The following CDK13 variants were observed in gnomAD, a reference collection of about 807,000 sequenced individuals.
CDK13 encodes the protein cyclin-dependent kinase 13.
In CDK13, 40 loss-of-function variants were observed where a neutral mutation model predicts 137.6. The observed-to-expected ratio is 0.29, with a 90% confidence interval of 0.23 to 0.38. The LOEUF is 0.38. CDK13 is among the 10% of genes least tolerant of loss of function. The pLI is 1.00. For missense variants in CDK13, 1,704 were observed against 1,951.8 expected, an observed-to-expected ratio of 0.87 and a Z score of 2.39; for synonymous variants, 869 against 760.1, an observed-to-expected ratio of 1.14 and a Z score of -2.36.
chr7:39,978,471 C>G (rs146048914), intron 1 of CDK13, among the ~76,000 whole-genome samples: 1 of 151,956 alleles, frequency 6.6e-6, no homozygotes, highest in African/African-American at 2.4e-5. Flanking sequence ...AGATTTTGGC[C>G]GTAACTGGAA....
intron 1 of CDK13, 100 bp downstream of exon 1, chr7:39,951,952 C>A: frequency 8.2e-7 from 1 of 1,216,690 alleles, no homozygotes; most frequent in South Asian, 3.6e-5. Context: ...GACTCAGGTC[C>A]ACCACCGAGA....
chr7:39,951,568 C>G lies in CDK13; in HGVS notation c.927C>G (p.Ala309=), dbSNP rs967047077. The G allele has an allele frequency of 6.6e-7, 1 of 1,521,004 alleles. No homozygotes were observed. Among genetic ancestry groups the G allele is most frequent in the Non-Finnish European group, 8.8e-7 (1 of 1,136,526 alleles). The allele number at this position is 1,521,004 out of a possible 1,614,324, so 94.2% of individuals were successfully genotyped here. A position where few individuals can be genotyped will look rare whatever the true frequency, so the allele number is the denominator to read the frequency against. The part of the protein sequence containing the change: ...AYREDKTEPK[A]YRRRRSLSPL... ...GGGAGGACAAGACCGAGCCTAAGGCCTACAGGCGGCGGCGGTCCCTCAGCC... is the reference window on the plus strand; with the variant it reads ...GGGAGGACAAGACCGAGCCTAAGGCGTACAGGCGGCGGCGGTCCCTCAGCC... Residue 309 remains alanine (A), a synonymous_variant, in exon 1 of 14, where the codon GCC becomes GCG. Coordinates refer to ENST00000181839, the MANE Select transcript of CDK13 (RefSeq NM_003718.5).
Position 39,950,958 on chromosome 7 carries a change from G to T in CDK13, c.317G>T (p.Arg106Leu). ...KRRAGGRQKR[R>L]RGPRAGQEAE... is the part of the protein sequence containing the mutation. Reference sequence around the variant, plus strand: ...CGCGCAGGAGGGCGGCAGAAGCGGCGTCGCGGGCCCCGCGCCGGGCAGGAG... The same window carrying T: ...CGCGCAGGAGGGCGGCAGAAGCGGCTTCGCGGGCCCCGCGCCGGGCAGGAG... Residue 106 changes from arginine to leucine, a missense_variant, in exon 1 of 14, where the codon CGT (arginine) becomes CTT (leucine). By Grantham distance (102) the Arg-to-Leu change is moderately radical. This residue lies in a region of CDK13 where 1,051 missense variants were observed against 931.0 expected (regional missense o/e 1.13). Transcript: ENST00000181839. 7.6e-7 allele frequency: 1 copy of T among 1,312,810 alleles called. No homozygotes were observed. The highest frequency in any genetic ancestry group is 9.7e-7 in the Non-Finnish European group (1 of 1,035,804). 81.3% of individuals were successfully genotyped at this position (1,312,810 alleles called of 1,614,324 possible).
intron 5 of CDK13, among the ~76,000 whole-genome samples, chr7:40,026,033 C>T (rs1352007519): frequency 6.6e-6 from 1 of 152,156 alleles, no homozygotes; most frequent in African/African-American, 2.4e-5. Context: ...CACCCCTGAC[C>T]CCTTTTGCTC....
chr7:40,014,499 T>C (rs2116376082), intron 5 of CDK13, among the ~76,000 whole-genome samples: 1 of 148,932 alleles, frequency 6.7e-6, no homozygotes, highest in East Asian at 2.0e-4. Flanking sequence ...TCACCCAGGC[T>C]GGAGTACAGT....
At chr7:40,079,842 A>G (rs2150537108) in intron 11 of CDK13, among the ~76,000 whole-genome samples, 1 of 152,340 alleles carries the variant, frequency 6.6e-6, no homozygotes. Context: ...GGGAGTCAAA[A>G]TAGCTGGCTT....
rs150303277 is a variant in CDK13 at position 39,987,734 on chromosome 7, G to T, written c.1347G>T (p.Leu449=). The change falls in exon 2 of 14, where the codon CTG becomes CTT. Residue 449 remains leucine, a synonymous_variant. Transcript: ENST00000181839. The stretch of plus-strand genomic sequence containing the variant: ...GCACACTAACTCTGAAGAGTAGCCT[G>T]GCAGCTGAATTGAACAAGAATAAAA... The part of the protein sequence containing the change: ...SPSTLTLKSS[L]AAELNKNKKA... 2.6e-4 allele frequency: 414 copies of T among 1,614,078 alleles called. 1 individual carries two copies. The highest frequency in any genetic ancestry group is 3.5e-4 in the Admixed American group (21 of 60,006).
At chr7:39,964,048 C>T (rs370500757) in intron 1 of CDK13, among the ~76,000 whole-genome samples, 4 of 152,120 alleles carry the variant, frequency 2.6e-5, no homozygotes, top group East Asian at 1.9e-4. Context: ...ATCTTTGTAT[C>T]GATGTTCATC....
At chr7:40,047,131 A>G (rs1162404902) in intron 6 of CDK13, among the ~76,000 whole-genome samples, 2 of 152,160 alleles carry the variant, frequency 1.3e-5, no homozygotes, top group East Asian at 3.8e-4. Context: ...CTGATAAGCA[A>G]TGTAACTTCA....
intron 11 of CDK13, among the ~76,000 whole-genome samples, chr7:40,079,936 G>A (rs1361546935): frequency 6.6e-6 from 1 of 152,084 alleles, no homozygotes; most frequent in Non-Finnish European, 1.5e-5. Flanking sequence ...ACGTTCATTT[G>A]CATTCCTTGA....
intron 9 of CDK13, chr7:40,066,936 G>T (rs1786292761): frequency 6.7e-6 from 1 of 149,100 alleles, no homozygotes; most frequent in Middle Eastern, 3.4e-3. Context: ...TTTTTTAAAC[G>T]ATTCCTTCTA....
chr7:39,955,055 T>G (rs1353476305), intron 1 of CDK13, among the ~76,000 whole-genome samples: 4 of 152,220 alleles, frequency 2.6e-5, no homozygotes, highest in African/African-American at 9.6e-5. Context: ...CCCTCTTAGC[T>G]TTACTTTTTC....
At chr7:39,972,052 A>G (rs954407686) in intron 1 of CDK13, among the ~76,000 whole-genome samples, 4 of 152,102 alleles carry the variant, frequency 2.6e-5, no homozygotes, top group African/African-American at 7.2e-5. Flanking sequence ...GCTCCCTTCT[A>G]CTCTTCTCAC....
At chr7:39,988,884 C>T (rs1784397640) in intron 2 of CDK13, among the ~76,000 whole-genome samples, 1 of 151,752 alleles carries the variant, frequency 6.6e-6, no homozygotes, top group Admixed American at 6.6e-5. Context: ...GAGTTCAAGA[C>T]CAGCCTGGCC....
chr7:40,047,954 A>G, intron 7 of CDK13, 77 bp downstream of exon 7: 1 of 898,498 alleles, frequency 1.1e-6, no homozygotes, highest in Middle Eastern at 2.3e-4. Context: ...CCTTATTGAT[A>G]GTTTTATTTT....
rs571219988 is a variant in CDK13 at position 39,982,452 on chromosome 7, T to C, written c.1212-5147T>C. Among the ~76,000 whole-genome samples, 444 of 152,218 alleles carry C rather than the reference T, an allele frequency of 2.9e-3. 5 individuals carry two copies. Among genetic ancestry groups the C allele is most frequent in the African/African-American group, 0.01 (426 of 41,518 alleles). On this transcript the variant is annotated intron_variant, in intron 1 of 13. Transcript: ENST00000181839. ...TGGGTTGGTTCCAAGTCTTTGCTAT[T>C]GTGAATAGTGCCGCAGTAAACATAC...
intron 1 of CDK13, among the ~76,000 whole-genome samples, chr7:39,957,817 A>C (rs553305690): frequency 1.3e-5 from 2 of 152,326 alleles, no homozygotes; most frequent in South Asian, 4.1e-4. Context: ...ACTCTGAAAA[A>C]TTGTAGCTAT....
chr7:40,028,538 G>T (rs1445769636), intron 5 of CDK13, among the ~76,000 whole-genome samples: 1 of 151,846 alleles, frequency 6.6e-6, no homozygotes, highest in Non-Finnish European at 1.5e-5. Flanking sequence ...TTTTACCAGG[G>T]TTTTTACAGA....
chr7:40,022,786 C>G (rs971672600), intron 5 of CDK13, among the ~76,000 whole-genome samples: 19 of 150,810 alleles, frequency 1.3e-4, no homozygotes, highest in Non-Finnish European at 1.5e-5. Context: ...CCTGTTAAAA[C>G]TAGAATTGTT....
Sources: allele counts gnomAD v4.1 joint callset (sites outside exome capture counted in the v4.1 genomes callset), GRCh38; gene constraint gnomAD v4.1.1; regional missense constraint gnomAD v4.1.1; transcripts MANE v1.5; gene names NCBI Gene and HGNC (gene_info 2026-07-23, HGNC 2026-07-21).